RBFOX1: variants seen among roughly 807,000 people sequenced by gnomAD.
RBFOX1 encodes the protein RNA binding protein fox-1 homolog 1.
In RBFOX1, 8 loss-of-function variants were observed where a neutral mutation model predicts 57.7. The observed-to-expected ratio is 0.14, with a 90% CI of 0.08 to 0.25. The LOEUF (loss-of-function observed/expected upper bound fraction) is 0.25. Ranked by LOEUF, RBFOX1 falls within the 10% of genes least tolerant of loss-of-function variation. RBFOX1 has a pLI of 1.00. For missense variants in RBFOX1, 611 were observed against 548.5 expected (o/e 1.11, Z -1.14); for synonymous variants, 326 against 222.4 (o/e 1.47, Z -4.15).
chr16:5,684,493 G>A (rs2050442875), intron 3 of RBFOX1, among the ~76,000 whole-genome samples: 2 of 152,106 alleles, frequency 1.3e-5, no homozygotes, highest in African/African-American at 4.8e-5. Context: ...TCCTTGTGTA[G>A]GTTTGTGTGT....
intron 4 of RBFOX1, among the ~76,000 whole-genome samples, chr16:7,360,992 A>G (rs977596021): frequency 3.3e-5 from 5 of 152,162 alleles, no homozygotes; most frequent in East Asian, 1.9e-4. Context: ...TCTGTGTGCC[A>G]TGATGAGAAA....
rs115669073 is a variant in RBFOX1, at chr16:7,600,000, C to T, written c.622+2569C>T. On this transcript the variant is annotated intron_variant, in intron 9 of 15. Coordinates refer to ENST00000550418, the MANE Select transcript of RBFOX1 (RefSeq NM_018723.4). Reference sequence around the variant, plus strand: ...GACCATGCCTGTGTGTATCAGGCATCGCTTTCCCTTTGTCTTCTTGTAGAA... The same window carrying T: ...GACCATGCCTGTGTGTATCAGGCATTGCTTTCCCTTTGTCTTCTTGTAGAA... Among the ~76,000 whole-genome samples, 391 of 152,178 alleles carry T rather than the reference C, an allele frequency of 2.6e-3. 2 individuals are homozygous for T. The highest frequency in any genetic ancestry group is 8.9e-3 in the African/African-American group (369 of 41,502).
Position 6,743,843 on chromosome 16 carries a change from C to T in RBFOX1, c.-16+89193C>T, listed in dbSNP as rs2072920651. On this transcript the variant is annotated intron_variant, in intron 3 of 15. Transcript: ENST00000550418. ...TTTTGACTATTTAAAAAATCATGTT[C>T]ATTTATTTCTGATTATTTGTAACAC... Among the ~76,000 whole-genome samples, 3 of 110,686 alleles carry T rather than the reference C, an allele frequency of 2.7e-5. 1 individual carries two copies. Among genetic ancestry groups the T allele is most frequent in the Non-Finnish European group, 1.9e-5 (1 of 51,292 alleles). The allele number at this position is 110,686 out of a possible 152,430, so 72.6% of individuals were successfully genotyped here.
rs138507222 is a variant in RBFOX1, at chr16:6,898,877, G to A, written c.-15-153180G>A. The stretch of plus-strand genomic sequence containing the variant: ...TGTAATATATTACACACATGTACAC[G>A]TGTATAATACGTGTGTGCATCTCGT... On this transcript the variant is annotated intron_variant, in intron 3 of 15. Coordinates refer to ENST00000550418, the MANE Select transcript of RBFOX1 (RefSeq NM_018723.4). 2.6e-3 allele frequency among the ~76,000 whole-genome samples: 356 copies of A among 139,146 alleles called. 3 individuals carry two copies. The highest frequency in any genetic ancestry group is 9.2e-3 in the African/African-American group (325 of 35,394). The allele number at this position is 139,146 out of a possible 152,430, so 91.3% of individuals were successfully genotyped here.
At chr16:7,418,326 C>T (rs1032393837) in intron 4 of RBFOX1, among the ~76,000 whole-genome samples, 5 of 152,190 alleles carry the variant, frequency 3.3e-5, no homozygotes, top group African/African-American at 1.2e-4. Context: ...GGACTTCATG[C>T]CCAATTTTCA....
rs926057910 is a variant in RBFOX1, at chr16:7,390,189, C to T, written c.28-127958C>T. Among the ~76,000 whole-genome samples the T allele has an allele frequency of 2.4e-4, 36 of 152,250 alleles. 1 individual carries two copies. The highest frequency in any genetic ancestry group is 8.7e-4 in the African/African-American group (36 of 41,536). On this transcript the variant is annotated intron_variant, in intron 4 of 15. Transcript: ENST00000550418. Reference sequence around the variant, plus strand: ...GAACAGCAAGGGGGATGTTTGCTCCCATTATTCTGTCATCTCGCACCAGAC... The same window carrying T: ...GAACAGCAAGGGGGATGTTTGCTCCTATTATTCTGTCATCTCGCACCAGAC...
At chr16:6,111,591 C>T (rs1166283481) in intron 1 of RBFOX1, among the ~76,000 whole-genome samples, 1 of 152,158 alleles carries the variant, frequency 6.6e-6, no homozygotes, top group Non-Finnish European at 1.5e-5. Context: ...TGGCTTTTGA[C>T]AAATGTGTCA....
At chr16:6,875,843 A>G (rs1275127303) in intron 3 of RBFOX1, among the ~76,000 whole-genome samples, 1 of 151,964 alleles carries the variant, frequency 6.6e-6, no homozygotes, top group African/African-American at 2.4e-5. Context: ...CATCTCTACA[A>G]AAAAATTAGC....
intron 1 of RBFOX1, among the ~76,000 whole-genome samples, chr16:6,315,519 G>T (rs1599550355): frequency 6.7e-6 from 1 of 149,920 alleles, no homozygotes; most frequent in Admixed American, 6.7e-5. Flanking sequence ...ATGGGTGGAT[G>T]GGTGGGTGAG....
At position 5,952,088 on chromosome 16, in the gene RBFOX1, C is replaced by T. The variant is rs183640507; in HGVS notation, c.351+84753C>T. Reference sequence around the variant, plus strand: ...CTATATAAATATATGTGTATATATGCATATATATATATACACACATATATG... The same window carrying T: ...CTATATAAATATATGTGTATATATGTATATATATATATACACACATATATG... On this transcript the variant is annotated intron_variant, in intron 4 of 19. Coordinates refer to the RBFOX1 transcript ENST00000641259. Among the ~76,000 whole-genome samples the T allele has an allele frequency of 2.0e-5, 3 of 147,862 alleles. No individual in the cohort carries two copies. In the Admixed American group the frequency reaches 2.0e-4, roughly 10 times the overall value.
At chr16:6,996,792 T>G (rs972568077) in intron 3 of RBFOX1, among the ~76,000 whole-genome samples, 2 of 152,298 alleles carry the variant, frequency 1.3e-5, no homozygotes, top group Admixed American at 6.5e-5. Context: ...TTTACTCATT[T>G]GATTTTTATG....
intron 1 of RBFOX1, among the ~76,000 whole-genome samples, chr16:6,113,643 A>G (rs2096468396): frequency 6.6e-6 from 1 of 152,220 alleles, no homozygotes; most frequent in African/African-American, 2.4e-5. Flanking sequence ...AGTGAAGGGC[A>G]AGACTAAGGA....
At chr16:5,454,958 C>CCTTCCTTTCTTT (rs1567535950) in intron 1 of RBFOX1, among the ~76,000 whole-genome samples, 25 of 30,410 alleles carry the variant, frequency 8.2e-4, no homozygotes, top group Admixed American at 2.3e-3. Flanking sequence ...TTCCTTCCTT[C>CCTTCCTTTCTTT]CTTTCTTTCT....
At chr16:6,525,266 A>G (rs2096562680) in intron 2 of RBFOX1, among the ~76,000 whole-genome samples, 1 of 152,192 alleles carries the variant, frequency 6.6e-6, no homozygotes, top group Non-Finnish European at 1.5e-5. Context: ...TCAGAGAACC[A>G]CTGCAGAATT....
chr16:5,760,039 C>G lies in RBFOX1; in HGVS notation c.319-107264C>G, dbSNP rs115577699. Among the ~76,000 whole-genome samples the G allele has an allele frequency of 7.4e-3, 1,112 of 151,248 alleles. 21 individuals carry two copies. Among genetic ancestry groups the G allele is most frequent in the African/African-American group, 0.024 (972 of 41,274 alleles). On this transcript the variant is annotated intron_variant, in intron 3 of 19. Coordinates refer to the RBFOX1 transcript ENST00000641259. ...AAAAAAAAACCTTGTATTTGAGCCTCAATATGCTGAGATGTTTTGTGATCT... is the reference window on the plus strand; with the variant it reads ...AAAAAAAAACCTTGTATTTGAGCCTGAATATGCTGAGATGTTTTGTGATCT...
At chr16:6,040,549 ATTCTTTCT>A (rs140819240) in intron 1 of RBFOX1, among the ~76,000 whole-genome samples, 2,844 of 151,256 alleles carry the variant, frequency 0.019, 98 homozygotes, top group African/African-American at 0.065. Context: ...TGAATTAATC[ATTCTTTCT>A]TTCTTTCTTT....
At chr16:5,495,306 G>T (rs145579502) in intron 2 of RBFOX1, among the ~76,000 whole-genome samples, 191 of 152,348 alleles carry the variant, frequency 1.3e-3, no homozygotes, top group African/African-American at 4.5e-3. Context: ...AGTCTGCAGC[G>T]ATTCTCGAAT....
chr16:7,663,801 T>C (rs186237438), intron 12 of RBFOX1, among the ~76,000 whole-genome samples: 2 of 152,318 alleles, frequency 1.3e-5, no homozygotes. Flanking sequence ...TTGTGATCCT[T>C]ACAAAAACCT....
intron 4 of RBFOX1, among the ~76,000 whole-genome samples, chr16:7,182,006 T>A (rs1349353270): frequency 6.6e-6 from 1 of 152,208 alleles, no homozygotes; most frequent in Non-Finnish European, 1.5e-5. Context: ...TACCACTGAT[T>A]CCACCAATCT....
Sources: gnomAD v4.1 joint callset for allele counts (sites outside exome capture counted in the v4.1 genomes callset) on GRCh38, gnomAD v4.1.1 for gene constraint, MANE v1.5 for transcripts, NCBI Gene and HGNC (gene_info 2026-07-23, HGNC 2026-07-21) for gene names.